UTP18: variants seen among roughly 807,000 people sequenced by gnomAD.
The protein encoded by UTP18 is UTP18 small subunit processome component, also known as U3 small nucleolar RNA-associated protein 18 homolog.
Under a neutral mutation model 61.1 loss-of-function variants are expected in UTP18, and 36 were observed. The ratio of observed to expected loss-of-function variants is 0.59; its 90% CI spans 0.45 to 0.78. The LOEUF (loss-of-function observed/expected upper bound fraction) is 0.78. Among genes scored for constraint, UTP18 ranks in the 30% least tolerant of loss-of-function variants. UTP18 has a pLI of 0.00. For synonymous variants in UTP18, 282 were observed against 251.1 expected (o/e 1.12, Z -1.16); for missense variants, 753 against 693.9 (o/e 1.09, Z -0.96).
At position 51,265,020 on chromosome 17, in the gene UTP18, A is replaced by G. The variant is rs111327061; in HGVS notation, c.456-1162A>G. ...AATATTCTTTATTATGTCCTTGTCT[A>G]TTGGAGACTTTTTAAATAATCTTGG... On this transcript the variant is annotated intron_variant, in intron 2 of 13. Coordinates refer to ENST00000225298, the MANE Select transcript of UTP18 (RefSeq NM_016001.3). Among the ~76,000 whole-genome samples the G allele has an allele frequency of 4.6e-5, 7 of 152,018 alleles. No homozygotes were observed. In the East Asian group the frequency reaches 5.8e-4, roughly 13 times the overall value.
intron 1 of UTP18, among the ~76,000 whole-genome samples, chr17:51,262,329 C>G (rs1173153219): frequency 1.3e-5 from 2 of 152,088 alleles, no homozygotes; most frequent in African/African-American, 4.8e-5. Flanking sequence ...CGTGATCCGC[C>G]CGCCTCGGCC....
intron 12 of UTP18, among the ~76,000 whole-genome samples, chr17:51,294,621 C>A (rs1322602427): frequency 6.6e-6 from 1 of 152,092 alleles, no homozygotes; most frequent in African/African-American, 2.4e-5. Flanking sequence ...TGAGTTGGTT[C>A]CAAGTCTTTT....
At chr17:51,266,308 C>T (rs1335935362) in intron 3 of UTP18, 28 bp downstream of exon 3, 3 of 1,524,776 alleles carry the variant, frequency 2.0e-6, no homozygotes, top group Non-Finnish European at 2.7e-6. Context: ...TATGATTTAC[C>T]AAGAGGTGTA....
At chr17:51,296,877 A>G in intron 12 of UTP18, 88 bp from the exon 13 acceptor site, 2 of 1,293,292 alleles carry the variant, frequency 1.5e-6, no homozygotes, top group Non-Finnish European at 2.2e-6. Flanking sequence ...TCCCACTAAA[A>G]TCTTCCTAAG....
At chr17:51,269,270 G>T (rs939886868) in intron 4 of UTP18, among the ~76,000 whole-genome samples, 1 of 113,986 alleles carries the variant, frequency 8.8e-6, no homozygotes, top group Non-Finnish European at 1.6e-5. Context: ...ACTCCAGCCT[G>T]GGTGACAGAG....
chr17:51,270,942 T>A (rs938982640), intron 4 of UTP18, among the ~76,000 whole-genome samples: 6 of 152,220 alleles, frequency 3.9e-5, no homozygotes, highest in African/African-American at 1.4e-4. Context: ...GGTATACTTA[T>A]TGTTGACAGA....
In UTP18 at chr17:51,260,578, C is replaced by T; in HGVS notation, c.-7C>T. The T allele has an allele frequency of 6.2e-7, 1 of 1,611,254 alleles. No individual in the cohort carries two copies. The highest frequency in any genetic ancestry group is 1.7e-4 in the Middle Eastern group (1 of 5,966). ...GTGAGCGCCTGCGTTTCTCCTCAAA[C>T]CTAACGATGCCGCCGGAGCGGAGGA... On this transcript the variant is annotated 5_prime_UTR_variant, in exon 1 of 14. Transcript: ENST00000225298.
intron 2 of UTP18, 116 bp downstream of exon 2, chr17:51,263,502 T>C: frequency 1.2e-6 from 1 of 818,046 alleles, no homozygotes; most frequent in Non-Finnish European, 1.9e-6. Flanking sequence ...GAAAAATATT[T>C]GAAAGTATAG....
chr17:51,263,231 G>C (rs776654898), intron 1 of UTP18, 43 bp from the exon 2 acceptor site: 1 of 1,555,846 alleles, frequency 6.4e-7, no homozygotes, highest in South Asian at 1.1e-5. Context: ...GCAGTCATGG[G>C]ATAGGAAAAT....
At chr17:51,273,944 A>C (rs1452697751) in intron 5 of UTP18, among the ~76,000 whole-genome samples, 2 of 152,128 alleles carry the variant, frequency 1.3e-5, no homozygotes, top group African/African-American at 4.8e-5. Flanking sequence ...AGCCAGAGGG[A>C]TCTTTTAAAA....
At chr17:51,277,024 C>T (rs1904745288) in intron 6 of UTP18, 106 bp from the exon 7 acceptor site, 1 of 1,222,874 alleles carries the variant, frequency 8.2e-7, no homozygotes, top group Admixed American at 2.3e-5. Context: ...GCCTTCAGCC[C>T]CTTGGATATG....
chr17:51,267,970 C>T (rs1446593318), intron 3 of UTP18, among the ~76,000 whole-genome samples: 1 of 151,180 alleles, frequency 6.6e-6, no homozygotes, highest in African/African-American at 2.4e-5. Flanking sequence ...CTCTCTTTGC[C>T]CTCTTCCAGG....
intron 3 of UTP18, among the ~76,000 whole-genome samples, chr17:51,267,637 A>G (rs1272887243): frequency 2.0e-5 from 3 of 152,096 alleles, no homozygotes; most frequent in Admixed American, 1.3e-4. Context: ...TTAGAATTCA[A>G]TTACGTATTT....
intron 2 of UTP18, among the ~76,000 whole-genome samples, chr17:51,265,207 TAACAG>T (rs1159250576): frequency 3.3e-5 from 5 of 152,108 alleles, no homozygotes; most frequent in Admixed American, 6.6e-5. Flanking sequence ...AGTAAGTAGT[TAACAG>T]AGAGAGACAA....
At chr17:51,261,177 T>C (rs1175938207) in intron 1 of UTP18, among the ~76,000 whole-genome samples, 1 of 152,260 alleles carries the variant, frequency 6.6e-6, no homozygotes, top group Non-Finnish European at 1.5e-5. Flanking sequence ...GGGTATCTGC[T>C]TTGCGAACTG....
chr17:51,279,510 T>G (rs1904842460), intron 7 of UTP18, among the ~76,000 whole-genome samples: 1 of 151,948 alleles, frequency 6.6e-6, no homozygotes, highest in Non-Finnish European at 1.5e-5. Context: ...TTTTTTGTTT[T>G]TGTTTTTGAC....
chr17:51,284,562 GAT>G (rs1905045119), intron 9 of UTP18, among the ~76,000 whole-genome samples: 1 of 152,246 alleles, frequency 6.6e-6, no homozygotes, highest in South Asian at 2.1e-4. Context: ...CCTGTTGATA[GAT>G]GTTGGAAGAG....
intron 11 of UTP18, among the ~76,000 whole-genome samples, chr17:51,291,749 A>AAAAAG (rs368653640): frequency 1.4e-4 from 21 of 150,780 alleles, no homozygotes; most frequent in East Asian, 3.9e-4. Flanking sequence ...AAAAAAAAAA[A>AAAAAG]AAAAGAAAAG....
intron 2 of UTP18, 131 bp downstream of exon 2, chr17:51,263,517 G>T: frequency 1.4e-6 from 1 of 724,522 alleles, no homozygotes; most frequent in South Asian, 1.9e-5. Flanking sequence ...GTATAGAAAA[G>T]ATCTTTCATG....
Sources: allele counts gnomAD v4.1 joint callset (sites outside exome capture counted in the v4.1 genomes callset), GRCh38; gene constraint gnomAD v4.1.1; transcripts MANE v1.5; gene names NCBI Gene and HGNC (gene_info 2026-07-23, HGNC 2026-07-21).